SUGCT: variants seen among roughly 807,000 people sequenced by gnomAD.
SUGCT encodes succinyl-CoA:glutarate-CoA transferase.
SUGCT carries 41 observed loss-of-function variants against 55.0 expected under a neutral mutation model. That is an observed-to-expected ratio of 0.74 (90% CI 0.58 to 0.97). The LOEUF is 0.97. Ranked by LOEUF, SUGCT falls within the 50% of genes least tolerant of loss-of-function variation. The pLI, the probability that SUGCT is intolerant of heterozygous loss-of-function variation, is 0.00. For missense variants in SUGCT, 568 were observed against 547.8 expected (o/e 1.04, Z -0.37); for synonymous variants, 187 against 200.4 (o/e 0.93, Z 0.56).
At chr7:41,003,777 T>C in the SUGCT span, among the ~76,000 whole-genome samples, 1 of 152,204 alleles carries the variant, frequency 6.6e-6, no homozygotes, top group African/African-American at 2.4e-5. Context: ...CCAGGTATCC[T>C]TCTTTGTGCA....
intron 6 of SUGCT, among the ~76,000 whole-genome samples, chr7:40,196,733 T>C (rs1376810614): frequency 6.6e-6 from 1 of 152,218 alleles, no homozygotes. Context: ...GGTTTTGCCA[T>C]GTTGGCCAGG....
intron 1 of SUGCT, among the ~76,000 whole-genome samples, chr7:40,155,793 A>G (rs1038301182): frequency 6.6e-6 from 1 of 152,108 alleles, no homozygotes; most frequent in African/African-American, 2.4e-5. Context: ...ATTTAAGTAT[A>G]AATGTAAATG....
At chr7:40,520,301 A>C (rs1793462104) in intron 12 of SUGCT, among the ~76,000 whole-genome samples, 1 of 152,146 alleles carries the variant, frequency 6.6e-6, no homozygotes, top group African/African-American at 2.4e-5. Flanking sequence ...GACAGGTTAA[A>C]TAAATTCTGG....
chr7:40,332,450 T>G (rs1796367470), intron 9 of SUGCT, among the ~76,000 whole-genome samples: 1 of 140,434 alleles, frequency 7.1e-6, no homozygotes, highest in African/African-American at 2.5e-5. Context: ...TGGATTTTTT[T>G]TTTTGTTTTT....
At chr7:40,153,526 T>C (rs1386358013) in intron 1 of SUGCT, 3 of 427,396 alleles carry the variant, frequency 7.0e-6, no homozygotes, top group African/African-American at 2.0e-5. Flanking sequence ...ATGACTCTTT[T>C]GTACCTATCA....
chr7:40,245,680 C>T lies in SUGCT; in HGVS notation c.576+7954C>T, dbSNP rs369082051. On this transcript the variant is annotated intron_variant, in intron 7 of 13. Coordinates refer to ENST00000335693, the MANE Select transcript of SUGCT (RefSeq NM_001193313.2). ...GTCTCGATCTCCTGACCTCGTGATCCACCTGCCTCGGCCTCCCAAAGTGCT... is the reference window on the plus strand; with the variant it reads ...GTCTCGATCTCCTGACCTCGTGATCTACCTGCCTCGGCCTCCCAAAGTGCT... Among the ~76,000 whole-genome samples, 1,084 of 150,892 alleles carry T rather than the reference C, an allele frequency of 7.2e-3. 12 individuals carry two copies. The highest frequency in any genetic ancestry group is 0.023 in the African/African-American group (940 of 41,072).
intron 13 of SUGCT, among the ~76,000 whole-genome samples, chr7:40,775,125 G>T (rs555497825): frequency 1.6e-4 from 24 of 152,320 alleles, no homozygotes; most frequent in African/African-American, 5.8e-4. Flanking sequence ...TTATTTGAGA[G>T]TCATTCAGAG....
the SUGCT span, among the ~76,000 whole-genome samples, chr7:41,024,693 A>G: frequency 1.3e-5 from 2 of 151,354 alleles, no homozygotes; most frequent in Non-Finnish European, 2.9e-5. Context: ...CCTCGTTATA[A>G]CAAGTAAGAG....
chr7:40,310,332 T>G (rs1352003081), intron 8 of SUGCT, among the ~76,000 whole-genome samples: 1 of 152,074 alleles, frequency 6.6e-6, no homozygotes, highest in Non-Finnish European at 1.5e-5. Context: ...AAGCTTTCAG[T>G]GCATAAAAAA....
At chr7:40,233,837 A>G (rs1315232085) in intron 6 of SUGCT, among the ~76,000 whole-genome samples, 1 of 152,212 alleles carries the variant, frequency 6.6e-6, no homozygotes, top group African/African-American at 2.4e-5. Context: ...GAATATTGCC[A>G]TTTTACAGAT....
intron 12 of SUGCT, among the ~76,000 whole-genome samples, chr7:40,613,616 T>G (rs1355069252): frequency 1.6e-5 from 2 of 122,846 alleles, no homozygotes; most frequent in East Asian, 2.1e-4. Flanking sequence ...TGCACCCAAT[T>G]TTTTTTTTTT....
chr7:40,257,609 C>T (rs765753847), intron 7 of SUGCT, among the ~76,000 whole-genome samples: 2 of 152,306 alleles, frequency 1.3e-5, no homozygotes. Context: ...GGTGTGGTGG[C>T]TTATGCCTGT....
chr7:40,343,816 C>CACG (rs1797176372), intron 9 of SUGCT, among the ~76,000 whole-genome samples: 1 of 152,166 alleles, frequency 6.6e-6, no homozygotes, highest in African/African-American at 2.4e-5. Flanking sequence ...GCCACCACGC[C>CACG]TGGCTAATTT....
the SUGCT span, among the ~76,000 whole-genome samples, chr7:41,013,607 C>G: frequency 6.6e-6 from 1 of 152,140 alleles, no homozygotes; most frequent in African/African-American, 2.4e-5. Context: ...TGTGTATTAT[C>G]TATGCCTGTA....
the SUGCT span, among the ~76,000 whole-genome samples, chr7:40,947,557 G>A: frequency 6.6e-6 from 1 of 151,338 alleles, no homozygotes; most frequent in Non-Finnish European, 1.5e-5. Context: ...TTGAAAACTA[G>A]ACATTTAAAA....
At chr7:40,493,333 A>T (rs1376977841) in intron 11 of SUGCT, among the ~76,000 whole-genome samples, 1 of 152,202 alleles carries the variant, frequency 6.6e-6, no homozygotes, top group Non-Finnish European at 1.5e-5. Flanking sequence ...AATAACCAGC[A>T]TTTCGTTGTC....
At chr7:40,806,769 A>G (rs557179332) in intron 13 of SUGCT, among the ~76,000 whole-genome samples, 4 of 152,280 alleles carry the variant, frequency 2.6e-5, no homozygotes, top group African/African-American at 7.2e-5. Context: ...AAATGCTGGG[A>G]TCGGAACCTT....
At chr7:40,609,326 G>A (rs1395830165) in intron 12 of SUGCT, among the ~76,000 whole-genome samples, 1 of 151,922 alleles carries the variant, frequency 6.6e-6, no homozygotes, top group African/African-American at 2.4e-5. Flanking sequence ...CAGCACTTTG[G>A]GAGGCCGAGG....
Position 40,349,740 on chromosome 7 carries a change from A to G in SUGCT, c.816+32885A>G, listed in dbSNP as rs562135161. Among the ~76,000 whole-genome samples, 3 of 152,176 alleles carry G rather than the reference A, an allele frequency of 2.0e-5. No homozygotes were observed. The South Asian group carries it at 6.2e-4, about 32-fold the overall frequency. ...CAGGCTGTAGTGCAGTGGCACGATC[A>G]TGGCTCACAGCAGTCTCTATCTCTC... On this transcript the variant is annotated intron_variant, in intron 9 of 13. Coordinates refer to ENST00000335693, the MANE Select transcript of SUGCT (RefSeq NM_001193313.2).
Sources: allele counts gnomAD v4.1 joint callset (sites outside exome capture counted in the v4.1 genomes callset), GRCh38; gene constraint gnomAD v4.1.1; transcripts MANE v1.5; gene names NCBI Gene and HGNC (gene_info 2026-07-23, HGNC 2026-07-21).